The following BST1 variants were observed in gnomAD, a reference collection of about 807,000 sequenced individuals.
BST1 encodes ADP-ribosyl cyclase/cyclic ADP-ribose hydrolase 2.
BST1 carries 49 observed loss-of-function variants against 40.6 expected under a neutral mutation model. The ratio of observed to expected loss-of-function variants is 1.21; its 90% confidence interval spans 0.96 to 1.53. The LOEUF (loss-of-function observed/expected upper bound fraction) is 1.53. BST1 is among the 40% of genes most tolerant of loss of function. BST1 has a pLI of 0.00. For missense variants in BST1, 423 were observed against 395.9 expected (o/e 1.07, Z -0.58); for synonymous variants, 157 against 159.3 (o/e 0.99, Z 0.11).
intron 8 of BST1, among the ~76,000 whole-genome samples, chr4:15,727,051 C>G (rs1721154301): frequency 1.3e-5 from 2 of 152,078 alleles, no homozygotes; most frequent in African/African-American, 2.4e-5. Flanking sequence ...AGCTGGCACT[C>G]TGGAGTCATC....
the BST1 span, among the ~76,000 whole-genome samples, chr4:15,744,815 G>C: frequency 6.6e-6 from 1 of 152,196 alleles, no homozygotes; most frequent in Non-Finnish European, 1.5e-5. Context: ...TTTGAAAATC[G>C]TGTTAGAAAC....
At chr4:15,706,635 A>G (rs992258629) in intron 2 of BST1, among the ~76,000 whole-genome samples, 4 of 152,126 alleles carry the variant, frequency 2.6e-5, no homozygotes, top group Non-Finnish European at 5.9e-5. Flanking sequence ...GATTTTTTCC[A>G]TTGTGTGTTA....
intron 1 of BST1, 63 bp downstream of exon 1, chr4:15,703,395 A>C: frequency 8.2e-7 from 1 of 1,219,848 alleles, no homozygotes; most frequent in Non-Finnish European, 1.1e-6. Context: ...GGGCCTGGGG[A>C]GGGGAAAACT....
At chr4:15,772,671 G>A in the BST1 span, among the ~76,000 whole-genome samples, 1 of 152,216 alleles carries the variant, frequency 6.6e-6, no homozygotes, top group Admixed American at 6.5e-5. Context: ...CGAGAAGAGT[G>A]TACAACAATT....
chr4:15,740,943 T>C (rs1721728188), downstream of BST1, among the ~76,000 whole-genome samples: 1 of 151,856 alleles, frequency 6.6e-6, no homozygotes, highest in Non-Finnish European at 1.5e-5. Context: ...CCGTGGTTCG[T>C]GAGGGGTCCA....
At chr4:15,735,087 T>C (rs956659722), downstream of BST1, among the ~76,000 whole-genome samples, 1 of 152,186 alleles carries the variant, frequency 6.6e-6, no homozygotes, top group Non-Finnish European at 1.5e-5. Flanking sequence ...TGCTCTCTAC[T>C]CTCTCCCTCC....
At chr4:15,746,952 C>G in the BST1 span, among the ~76,000 whole-genome samples, 591 of 152,280 alleles carry the variant, frequency 3.9e-3, 3 homozygotes, top group African/African-American at 0.013. Context: ...ACTCTGTGAT[C>G]AAGCCATCAG....
intron 2 of BST1, among the ~76,000 whole-genome samples, chr4:15,706,003 A>C (rs778582061): frequency 1.1e-4 from 16 of 152,170 alleles, no homozygotes; most frequent in Non-Finnish European, 1.8e-4. Context: ...ACATGGCACG[A>C]GCAGGACCAA....
rs766478303 is a variant in BST1 at position 15,715,813 on chromosome 4, A to G, written c.704+14A>G. ...GGGACCCAATGTGTAAGTTATGGTGATATTGATGATGATAATTGCACAAGT... is the reference window on the plus strand; with the variant it reads ...GGGACCCAATGTGTAAGTTATGGTGGTATTGATGATGATAATTGCACAAGT... On this transcript the variant is annotated intron_variant, in intron 6 of 8. Transcript: ENST00000265016. The G allele has an allele frequency of 6.6e-7, 1 of 1,513,390 alleles. No individual in the cohort carries two copies. The highest frequency in any genetic ancestry group is 8.9e-7 in the Non-Finnish European group (1 of 1,118,684). The allele number at this position is 1,513,390 out of a possible 1,614,324, so 93.7% of individuals were successfully genotyped here.
At chr4:15,724,092 G>A (rs1316369446) in intron 8 of BST1, among the ~76,000 whole-genome samples, 1 of 152,152 alleles carries the variant, frequency 6.6e-6, no homozygotes, top group Non-Finnish European at 1.5e-5. Flanking sequence ...CGTTGATTGA[G>A]GAACTCCCTT....
chr4:15,707,798 T>C, intron 3 of BST1, 152 bp downstream of exon 3: 1 of 937,720 alleles, frequency 1.1e-6, no homozygotes, highest in South Asian at 1.9e-5. Context: ...ATAACAATAC[T>C]AGAGAATACT....
intron 8 of BST1, among the ~76,000 whole-genome samples, chr4:15,729,463 T>G (rs1721274952): frequency 6.6e-6 from 1 of 151,874 alleles, no homozygotes; most frequent in Non-Finnish European, 1.5e-5. Flanking sequence ...TCTCAAAGAA[T>G]AATAATAATA....
At chr4:15,773,398 T>C in the BST1 span, among the ~76,000 whole-genome samples, 1 of 152,366 alleles carries the variant, frequency 6.6e-6, no homozygotes, top group South Asian at 2.1e-4. Context: ...GCATTGCCTA[T>C]GAAAGCACTC....
the BST1 span, among the ~76,000 whole-genome samples, chr4:15,769,081 A>G: frequency 6.6e-6 from 1 of 152,246 alleles, no homozygotes; most frequent in Non-Finnish European, 1.5e-5. Flanking sequence ...AAAGAAAAAA[A>G]AAAACAAGAA....
At position 15,707,617 on chromosome 4, in the gene BST1, T is replaced by C. The variant is rs770594379; in HGVS notation, c.422T>C (p.Leu141Ser). The C allele has an allele frequency of 6.8e-6, 11 of 1,613,994 alleles. No homozygotes were observed. Among genetic ancestry groups the C allele is most frequent in the Non-Finnish European group, 9.3e-6 (11 of 1,179,898 alleles). Residue 141 changes from leucine (L) to serine (S), a missense_variant, in exon 3 of 9, where the codon TTG becomes TCG. Leu to Ser is a moderately radical substitution (Grantham distance 145, BLOSUM62 -2). Transcript: ENST00000265016. Reference protein sequence around the residue: ...DVLYGRVADFLSWCRQKNDSG... With the variant: ...DVLYGRVADFSSWCRQKNDSG... ...CTGTATGGCAGGGTTGCAGATTTCT[T>C]GAGCTGGTGTCGACAGAAAAATGAC...
intron 3 of BST1, among the ~76,000 whole-genome samples, chr4:15,709,910 A>G (rs1253891109): frequency 6.6e-6 from 1 of 152,162 alleles, no homozygotes; most frequent in Non-Finnish European, 1.5e-5. Context: ...TCAAGAAAAT[A>G]GCAAAGCCAA....
At chr4:15,704,319 A>T (rs1409462107) in intron 1 of BST1, among the ~76,000 whole-genome samples, 19 of 138,374 alleles carry the variant, frequency 1.4e-4, no homozygotes, top group Admixed American at 2.9e-4. Flanking sequence ...TGTGTGTTCT[A>T]GAGGTGAGAT....
Position 15,703,318 on chromosome 4 carries a change from G to A in BST1, c.174G>A (p.Leu58=). 1 of 1,518,866 alleles carries A rather than the reference G, an allele frequency of 6.6e-7. No homozygotes were observed. The highest frequency in any genetic ancestry group is 8.8e-7 in the Non-Finnish European group (1 of 1,140,764). 94.1% of individuals were successfully genotyped at this position (1,518,866 alleles called of 1,614,324 possible). A position where few individuals can be genotyped will look rare whatever the true frequency, so the allele number is the denominator to read the frequency against. The change falls in exon 1 of 9, where the codon CTG becomes CTA. Residue 58 remains leucine (L), a synonymous_variant. Coordinates refer to ENST00000265016, the MANE Select transcript of BST1 (RefSeq NM_004334.3). ...LGRCAEYRAL[L]SPEQRNKNCT... ...GCTGCGCCGAGTACCGCGCACTGCT[G>A]AGTCCCGAGCAGCGGTGAGGCAGTC... is the stretch of plus-strand genomic sequence containing the variant.
At chr4:15,760,480 A>G in the BST1 span, among the ~76,000 whole-genome samples, 1 of 151,758 alleles carries the variant, frequency 6.6e-6, no homozygotes, top group African/African-American at 2.4e-5. Context: ...TCTGCTTAAC[A>G]TTTTGAGGAA....
Sources: allele counts gnomAD v4.1 joint callset (sites outside exome capture counted in the v4.1 genomes callset), GRCh38; gene constraint gnomAD v4.1.1; transcripts MANE v1.5; gene names NCBI Gene and HGNC (gene_info 2026-07-23, HGNC 2026-07-21).